The following DPYD variants were observed in gnomAD, a reference collection of about 807,000 sequenced individuals.
DPYD encodes dihydropyrimidine dehydrogenase [NADP(+)].
Under a neutral mutation model 116.2 loss-of-function variants are expected in DPYD, and 109 were observed. That is an observed-to-expected ratio of 0.94 (90% CI 0.80 to 1.10). The LOEUF is 1.10. DPYD is among the 50% of genes least tolerant of loss of function. The pLI, the probability that DPYD is intolerant of heterozygous loss-of-function variation, is 0.00. For synonymous variants in DPYD, 440 were observed against 432.0 expected, an observed-to-expected ratio of 1.02 and a Z score of -0.23; for missense variants, 1,302 against 1,254.5, an observed-to-expected ratio of 1.04 and a Z score of -0.57.
intron 18 of DPYD, among the ~76,000 whole-genome samples, chr1:97,258,888 T>C (rs1252323430): frequency 3.9e-5 from 6 of 152,154 alleles, no homozygotes; most frequent in Non-Finnish European, 7.4e-5. Context: ...GTCAAGCCTA[T>C]ATAAGATAGA....
chr1:97,119,382 T>C (rs1174420509), intron 20 of DPYD, among the ~76,000 whole-genome samples: 1 of 152,110 alleles, frequency 6.6e-6, no homozygotes, highest in Non-Finnish European at 1.5e-5. Context: ...GAAGATGATA[T>C]CAAAGACTGC....
intron 7 of DPYD, among the ~76,000 whole-genome samples, chr1:97,688,600 T>C (rs948565551): frequency 2.0e-5 from 3 of 152,032 alleles, no homozygotes; most frequent in Admixed American, 1.3e-4. Context: ...ATAAAATGCT[T>C]AGAAGTTTAA....
At chr1:97,164,772 G>A (rs978889660) in intron 20 of DPYD, among the ~76,000 whole-genome samples, 3 of 151,938 alleles carry the variant, frequency 2.0e-5, no homozygotes, top group Non-Finnish European at 2.9e-5. Flanking sequence ...AAATAAATCA[G>A]AGATGACACA....
chr1:97,546,618 A>C, intron 12 of DPYD: 1 of 1,612,696 alleles, frequency 6.2e-7, no homozygotes, highest in Non-Finnish European at 8.5e-7. Context: ...TTCCTGAGGA[A>C]AAACAAGAAT....
intron 20 of DPYD, among the ~76,000 whole-genome samples, chr1:97,158,603 A>T (rs1314133339): frequency 1.3e-5 from 2 of 151,754 alleles, no homozygotes; most frequent in African/African-American, 4.8e-5. Context: ...AGGGAATGAC[A>T]CTATTCTTTT....
At chr1:97,086,765 A>T (rs79432755) in intron 21 of DPYD, among the ~76,000 whole-genome samples, 6 of 146,620 alleles carry the variant, frequency 4.1e-5, no homozygotes, top group African/African-American at 1.3e-4. Context: ...TAAAAAAAAA[A>T]TCATAAGATA....
intron 7 of DPYD, among the ~76,000 whole-genome samples, chr1:97,681,423 G>GT (rs1329666155): frequency 6.6e-6 from 1 of 152,032 alleles, no homozygotes; most frequent in African/African-American, 2.4e-5. Context: ...AGAGGGCAAT[G>GT]TTTTGTCTTC....
At chr1:97,918,005 C>G (rs1674306433) in intron 1 of DPYD, among the ~76,000 whole-genome samples, 1 of 152,110 alleles carries the variant, frequency 6.6e-6, no homozygotes, top group Non-Finnish European at 1.5e-5. Context: ...ATGTCCAATA[C>G]TAACCTTCTT....
chr1:97,512,049 T>A (rs910869185), intron 13 of DPYD, among the ~76,000 whole-genome samples: 1 of 151,954 alleles, frequency 6.6e-6, no homozygotes, highest in Admixed American at 6.6e-5. Context: ...TTCTTTTATG[T>A]GTTAACTGTC....
chr1:97,365,832 C>T (rs971408099), intron 16 of DPYD, among the ~76,000 whole-genome samples: 2 of 152,098 alleles, frequency 1.3e-5, no homozygotes, highest in African/African-American at 4.8e-5. Context: ...CGGGGTTTCG[C>T]CATGTTGCCC....
chr1:97,457,297 T>A (rs1462681624), intron 13 of DPYD, among the ~76,000 whole-genome samples: 1 of 152,132 alleles, frequency 6.6e-6, no homozygotes, highest in African/African-American at 2.4e-5. Flanking sequence ...GTTCCTCACC[T>A]CTTGGATAGT....
intron 3 of DPYD, among the ~76,000 whole-genome samples, chr1:97,745,030 C>T (rs1664470688): frequency 6.6e-6 from 1 of 152,126 alleles, no homozygotes; most frequent in African/African-American, 2.4e-5. Flanking sequence ...AAAAGCCATC[C>T]TCAGCTTCCA....
intron 20 of DPYD, among the ~76,000 whole-genome samples, chr1:97,173,914 A>G (rs974404807): frequency 1.2e-4 from 18 of 150,338 alleles, no homozygotes; most frequent in Admixed American, 6.0e-4. Flanking sequence ...CTCTTTTCCA[A>G]TTTGCAATAC....
At chr1:97,857,812 G>A (rs540833162) in intron 2 of DPYD, among the ~76,000 whole-genome samples, 1 of 152,150 alleles carries the variant, frequency 6.6e-6, no homozygotes, top group South Asian at 2.1e-4. Flanking sequence ...CTGGAGACCC[G>A]ACTTGATACT....
chr1:97,657,976 G>T (rs1384442800), intron 8 of DPYD, among the ~76,000 whole-genome samples: 1 of 152,118 alleles, frequency 6.6e-6, no homozygotes, highest in Non-Finnish European at 1.5e-5. Context: ...GAGACCAATA[G>T]ATAGTTGAAA....
intron 3 of DPYD, among the ~76,000 whole-genome samples, chr1:97,766,702 A>G (rs948346907): frequency 1.3e-5 from 2 of 152,202 alleles, no homozygotes; most frequent in African/African-American, 4.8e-5. Flanking sequence ...TTAAGTGTGT[A>G]CAAAGAAGCA....
intron 16 of DPYD, among the ~76,000 whole-genome samples, chr1:97,360,717 C>T (rs755430687): frequency 3.4e-4 from 52 of 152,154 alleles, no homozygotes; most frequent in Middle Eastern, 3.4e-3. Flanking sequence ...GGGTAAATAA[C>T]GAAATTAAGG....
intron 19 of DPYD, among the ~76,000 whole-genome samples, chr1:97,204,858 T>C (rs1659483718): frequency 6.6e-6 from 1 of 152,078 alleles, no homozygotes; most frequent in South Asian, 2.1e-4. Flanking sequence ...CAGGCTTTTA[T>C]TACTTAGGTG....
At chr1:97,550,651 G>A (rs746664838) in intron 11 of DPYD, among the ~76,000 whole-genome samples, 8 of 152,062 alleles carry the variant, frequency 5.3e-5, no homozygotes, top group East Asian at 1.9e-4. Context: ...TCCAGGTAAC[G>A]TCATAATTTT....
Sources: gnomAD v4.1 joint callset for allele counts (sites outside exome capture counted in the v4.1 genomes callset) on GRCh38, gnomAD v4.1.1 for gene constraint, MANE v1.5 for transcripts, NCBI Gene and HGNC (gene_info 2026-07-23, HGNC 2026-07-21) for gene names.